SLC23A2: variants seen among roughly 807,000 people sequenced by gnomAD.
SLC23A2 encodes the protein Na(+)/L-ascorbic acid transporter 2.
SLC23A2 carries 36 observed loss-of-function variants against 73.3 expected under a neutral mutation model. The ratio of observed to expected loss-of-function variants is 0.49; its 90% confidence interval spans 0.38 to 0.65. The LOEUF (loss-of-function observed/expected upper bound fraction) is 0.65, where lower values mean the gene tolerates loss of function less well. Ranked by LOEUF, SLC23A2 falls within the 30% of genes least tolerant of loss-of-function variation. The pLI, the probability that SLC23A2 is intolerant of heterozygous loss-of-function variation, is 0.00. For missense variants in SLC23A2, 507 were observed against 841.6 expected (o/e 0.60, Z 4.92); for synonymous variants, 343 against 327.3 (o/e 1.05, Z -0.52).
chr20:4,960,880 T>A (rs2122180630), intron 2 of SLC23A2, among the ~76,000 whole-genome samples: 1 of 152,324 alleles, frequency 6.6e-6, no homozygotes, highest in South Asian at 2.1e-4. Flanking sequence ...TAAGTTTTCA[T>A]TCTTTAGTTT....
chr20:4,920,497 G>C (rs1932467224), intron 3 of SLC23A2, among the ~76,000 whole-genome samples: 1 of 152,174 alleles, frequency 6.6e-6, no homozygotes, highest in Admixed American at 6.5e-5. Flanking sequence ...CAACTTATGT[G>C]CCAGGTTATT....
chr20:4,930,207 T>C (rs1186985819), intron 3 of SLC23A2, among the ~76,000 whole-genome samples: 2 of 152,062 alleles, frequency 1.3e-5, no homozygotes, highest in African/African-American at 4.8e-5. Flanking sequence ...GAGTGAATCA[T>C]CTCCTGGGCT....
chr20:5,006,838 G>C (rs1174699010), intron 1 of SLC23A2, among the ~76,000 whole-genome samples: 1 of 152,038 alleles, frequency 6.6e-6, no homozygotes, highest in Non-Finnish European at 1.5e-5. Flanking sequence ...ACCACTCCTG[G>C]CCTGCACCAT....
intron 2 of SLC23A2, among the ~76,000 whole-genome samples, chr20:4,960,192 C>T (rs1007939736): frequency 6.6e-6 from 1 of 151,746 alleles, no homozygotes; most frequent in African/African-American, 2.4e-5. Flanking sequence ...CATGGCCTAT[C>T]TCTATTAAAA....
At chr20:4,893,921 T>C (rs1389494514) in intron 6 of SLC23A2, among the ~76,000 whole-genome samples, 1 of 151,972 alleles carries the variant, frequency 6.6e-6, no homozygotes, top group African/African-American at 2.4e-5. Flanking sequence ...GGAAAGTCAG[T>C]GTGGTGACGG....
At chr20:4,901,652 GCAGA>G (rs2122871700) in intron 5 of SLC23A2, among the ~76,000 whole-genome samples, 1 of 152,244 alleles carries the variant, frequency 6.6e-6, no homozygotes, top group East Asian at 1.9e-4. Flanking sequence ...GGAAGCTGCA[GCAGA>G]CAAAGCTGCT....
intron 1 of SLC23A2, among the ~76,000 whole-genome samples, chr20:4,979,265 C>T (rs1221356513): frequency 6.6e-6 from 1 of 151,162 alleles, no homozygotes; most frequent in African/African-American, 2.5e-5. Context: ...TGCACTCCAG[C>T]CTGGGCAACA....
intron 4 of SLC23A2, among the ~76,000 whole-genome samples, chr20:4,906,234 G>A (rs1475769302): frequency 6.6e-6 from 1 of 152,194 alleles, no homozygotes; most frequent in African/African-American, 2.4e-5. Flanking sequence ...ACCCGCTCAG[G>A]AGTCTGAGGT....
chr20:4,971,843 T>G (rs965935344), intron 1 of SLC23A2, among the ~76,000 whole-genome samples: 6 of 152,034 alleles, frequency 3.9e-5, no homozygotes, highest in African/African-American at 1.4e-4. Context: ...ATTGATAACT[T>G]TTAAACTCCA....
intron 2 of SLC23A2, among the ~76,000 whole-genome samples, chr20:4,962,451 G>A (rs1337746583): frequency 6.6e-6 from 1 of 152,202 alleles, no homozygotes; most frequent in East Asian, 1.9e-4. Flanking sequence ...CCAATGAAGG[G>A]GAGGAATGAG....
At chr20:4,916,653 T>C (rs1259090927) in intron 3 of SLC23A2, among the ~76,000 whole-genome samples, 3 of 152,228 alleles carry the variant, frequency 2.0e-5, no homozygotes, top group East Asian at 3.8e-4. Context: ...TACTTATACA[T>C]ACACAAATAA....
rs551988371 is a variant in SLC23A2 at position 4,863,714 on chromosome 20, G to A, written c.1357-807C>T. On this transcript the variant is annotated intron_variant, in intron 13 of 16. Transcript: ENST00000338244. This position sits in a 1 kb window ranked among gnomAD's most constrained non-coding sequence, Gnocchi z 4.8. ...TCATGAAATAAAGCCCACTTCTCAG[G>A]CTCTTTCCAAGCACACCAGGCAGGC... Among the ~76,000 whole-genome samples the A allele has an allele frequency of 2.6e-5, 4 of 152,166 alleles. No individual in the cohort carries two copies. The highest frequency in any genetic ancestry group is 3.4e-3 in the Middle Eastern group (1 of 294).
In SLC23A2 at chr20:4,883,833, G is replaced by C. The variant is rs200140668; in HGVS notation, c.643-10C>G. 1.9e-6 allele frequency: 3 copies of C among 1,599,204 alleles called. No individual in the cohort carries two copies. Among genetic ancestry groups the C allele is most frequent in the Admixed American group, 1.7e-5 (1 of 58,366 alleles). ...TGATGGCCCCCTGGATCTGCAACAA[G>C]AGATGGCACAGACATGAGAGTGAGC... On this transcript the variant is annotated splice_polypyrimidine_tract_variant and intron_variant, in intron 8 of 16. Transcript: ENST00000338244. This position sits in a 1 kb window ranked among gnomAD's most constrained non-coding sequence, Gnocchi z 4.5.
chr20:4,993,241 G>A (rs1418883749), intron 1 of SLC23A2, among the ~76,000 whole-genome samples: 6 of 146,826 alleles, frequency 4.1e-5, no homozygotes, highest in Non-Finnish European at 5.9e-5. Context: ...CTGAGATCGT[G>A]CCACTGCACT....
At chr20:4,870,363 G>C (rs1052137233) in intron 11 of SLC23A2, among the ~76,000 whole-genome samples, 3 of 152,162 alleles carry the variant, frequency 2.0e-5, no homozygotes, top group Non-Finnish European at 4.4e-5. Context: ...CAGATCACGA[G>C]GTCAGGAGTT....
chr20:4,856,115 A>G lies in SLC23A2; in HGVS notation c.*857T>C, dbSNP rs930922982. 6.6e-6 allele frequency: 1 copy of G among 152,280 alleles called. No individual in the cohort carries two copies. The highest frequency in any genetic ancestry group is 2.4e-5 in the African/African-American group (1 of 41,438). 9.4% of individuals were successfully genotyped at this position (152,280 alleles called of 1,614,324 possible). Reference sequence around the variant, plus strand: ...AGACGCGCGCGACAATAACATCCACATGACGGCAGAGCCAAGACGCCCATC... The same window carrying G: ...AGACGCGCGCGACAATAACATCCACGTGACGGCAGAGCCAAGACGCCCATC... On this transcript the variant is annotated 3_prime_UTR_variant, in exon 17 of 17. Transcript: ENST00000338244. The surrounding 1 kb of genome is among the most constrained non-coding windows in gnomAD (Gnocchi z 4.6).
intron 11 of SLC23A2, among the ~76,000 whole-genome samples, chr20:4,873,523 C>T (rs1930532166): frequency 6.6e-6 from 1 of 152,190 alleles, no homozygotes; most frequent in Non-Finnish European, 1.5e-5. Flanking sequence ...TATATAAATT[C>T]CATCATGCTT....
chr20:4,987,489 G>A (rs568622015), intron 1 of SLC23A2, among the ~76,000 whole-genome samples: 2 of 152,290 alleles, frequency 1.3e-5, no homozygotes, highest in South Asian at 4.2e-4. Context: ...CTCAGGGAGA[G>A]ACTACCAAGA....
In SLC23A2 at chr20:4,932,343, C is replaced by T. The variant is rs142361663; in HGVS notation, c.108+112G>A. The T allele has an allele frequency of 8.2e-4, 599 of 727,120 alleles. 2 individuals are homozygous for T. In the African/African-American group the frequency reaches 9.2e-3, roughly 11 times the overall value. The allele number at this position is 727,120 out of a possible 1,614,324, so 45.0% of individuals were successfully genotyped here. Reference sequence around the variant, plus strand: ...TCTCACATATAAAGTATTTGGTTTGCAAATGCCTTAACCTTCACTGAAAAC... The same window carrying T: ...TCTCACATATAAAGTATTTGGTTTGTAAATGCCTTAACCTTCACTGAAAAC... On this transcript the variant is annotated intron_variant, in intron 3 of 16. Coordinates refer to ENST00000338244, the MANE Select transcript of SLC23A2 (RefSeq NM_005116.6).
Sources: gnomAD v4.1 joint callset for allele counts (sites outside exome capture counted in the v4.1 genomes callset) on GRCh38, gnomAD v4.1.1 for gene constraint, Gnocchi (gnomAD v3.1) non-coding constraint, MANE v1.5 for transcripts, NCBI Gene and HGNC (gene_info 2026-07-23, HGNC 2026-07-21) for gene names.